OTUD7B: variants seen among roughly 807,000 people sequenced by gnomAD.
OTUD7B encodes the protein OTU domain-containing protein 7B.
In OTUD7B, 34 loss-of-function variants were observed where a neutral mutation model predicts 82.2. The ratio of observed to expected loss-of-function variants is 0.41; its 90% confidence interval spans 0.31 to 0.55. OTUD7B has a LOEUF of 0.55. Ranked by LOEUF, OTUD7B falls within the 20% of genes least tolerant of loss-of-function variation. The pLI, the probability that OTUD7B is intolerant of heterozygous loss-of-function variation, is 0.20. For missense variants in OTUD7B, 944 were observed against 1,062.1 expected, an observed-to-expected ratio of 0.89 and a Z score of 1.55; for synonymous variants, 398 against 402.7, an observed-to-expected ratio of 0.99 and a Z score of 0.14.
intron 7 of OTUD7B, among the ~76,000 whole-genome samples, chr1:149,959,002 A>G (rs1357089793): frequency 6.6e-6 from 1 of 151,812 alleles, no homozygotes; most frequent in Non-Finnish European, 1.5e-5. Context: ...TGGGTGGATC[A>G]CTTGAGGCCA....
chr1:150,050,137 T>G, the OTUD7B span, among the ~76,000 whole-genome samples: 80 of 151,980 alleles, frequency 5.3e-4, no homozygotes, highest in Non-Finnish European at 8.8e-5. Flanking sequence ...AAGGCTGCAG[T>G]GAGCCATGAT....
intron 3 of OTUD7B, among the ~76,000 whole-genome samples, chr1:149,969,412 A>G (rs1390512501): frequency 1.3e-5 from 2 of 152,174 alleles, no homozygotes; most frequent in African/African-American, 2.4e-5. Flanking sequence ...TTATCATTCA[A>G]AATTCCTGAT....
At chr1:149,981,534 T>C (rs1193343213) in intron 1 of OTUD7B, among the ~76,000 whole-genome samples, 1 of 152,244 alleles carries the variant, frequency 6.6e-6, no homozygotes, top group African/African-American at 2.4e-5. Flanking sequence ...GATGGAATTT[T>C]CATGCAAAAT....
intron 6 of OTUD7B, chr1:149,963,996 T>A: frequency 2.2e-6 from 1 of 447,876 alleles, no homozygotes; most frequent in Admixed American, 3.8e-5. Context: ...AAAAGCACAA[T>A]GTTAGATAAC....
At chr1:150,040,177 G>A in the OTUD7B span, among the ~76,000 whole-genome samples, 2 of 152,158 alleles carry the variant, frequency 1.3e-5, no homozygotes, top group African/African-American at 4.8e-5. Context: ...TCAGGAATGG[G>A]AGTTAAATTT....
At chr1:150,059,734 T>C in the OTUD7B span, among the ~76,000 whole-genome samples, 1 of 152,044 alleles carries the variant, frequency 6.6e-6, no homozygotes, top group Non-Finnish European at 1.5e-5. Context: ...AAAATAAACA[T>C]AAAACTCGGC....
At position 150,001,421 on chromosome 1, in the gene OTUD7B, C is replaced by T. The variant is rs117183965; in HGVS notation, c.-67+9027G>A. ...TAGACTGAAGAGGAGCCTTCACATCCCTCAAACAGCAGCGCTTAGAACAGG... is the reference window on the plus strand; with the variant it reads ...TAGACTGAAGAGGAGCCTTCACATCTCTCAAACAGCAGCGCTTAGAACAGG... On this transcript the variant is annotated intron_variant, in intron 1 of 11. Transcript: ENST00000581312. Among the ~76,000 whole-genome samples the T allele has an allele frequency of 7.9e-3, 1,198 of 152,274 alleles. 50 individuals are homozygous for T. Among genetic ancestry groups the T allele is most frequent in the Admixed American group, 0.067 (1,030 of 15,288 alleles).
In OTUD7B at chr1:149,949,612, G is replaced by C. The variant is rs1553772864; in HGVS notation, c.1123+17C>G. 1 of 1,610,550 alleles carries C rather than the reference G, an allele frequency of 6.2e-7. No homozygotes were observed. Among genetic ancestry groups the C allele is most frequent in the Non-Finnish European group, 8.5e-7 (1 of 1,177,450 alleles). ...CAAGTGAAAATAATGCAGACCAAAA[G>C]ACATGTCATTCAGCACCTTGTTCCT... On this transcript the variant is annotated intron_variant, in intron 9 of 11. Coordinates refer to ENST00000581312, the MANE Select transcript of OTUD7B (RefSeq NM_020205.4).
At chr1:150,036,310 G>T in the OTUD7B span, among the ~76,000 whole-genome samples, 1 of 144,952 alleles carries the variant, frequency 6.9e-6, no homozygotes, top group Non-Finnish European at 1.5e-5. Flanking sequence ...GCCCAGGCTG[G>T]AGTGCAGTGG....
intron 1 of OTUD7B, among the ~76,000 whole-genome samples, chr1:149,996,952 C>T (rs1651963017): frequency 6.6e-6 from 1 of 152,140 alleles, no homozygotes; most frequent in Non-Finnish European, 1.5e-5. Context: ...AGCTTAATAA[C>T]AGGCACAAGG....
chr1:150,054,209 C>T, the OTUD7B span: 1 of 420,548 alleles, frequency 2.4e-6, no homozygotes, highest in Admixed American at 3.2e-5. Context: ...TACATATTAT[C>T]TTACTGAAGA....
chr1:149,949,247 G>A (rs369531458), intron 9 of OTUD7B, among the ~76,000 whole-genome samples, 164 bp from the exon 10 acceptor site: 21 of 152,204 alleles, frequency 1.4e-4, no homozygotes, highest in African/African-American at 5.1e-4. Context: ...TAGTTTTCCC[G>A]CTACCACGCA....
At chr1:149,969,161 A>G (rs1057205260) in intron 3 of OTUD7B, among the ~76,000 whole-genome samples, 1 of 152,100 alleles carries the variant, frequency 6.6e-6, no homozygotes, top group East Asian at 1.9e-4. Flanking sequence ...AATTTCTACA[A>G]AGAATCAAAA....
chr1:149,993,967 T>C (rs184488821), intron 1 of OTUD7B, among the ~76,000 whole-genome samples: 3 of 152,310 alleles, frequency 2.0e-5, no homozygotes, highest in East Asian at 1.9e-4. Flanking sequence ...CACAATTACA[T>C]AGGCCAAGTT....
the OTUD7B span, among the ~76,000 whole-genome samples, chr1:150,029,945 G>T: frequency 6.6e-6 from 1 of 152,030 alleles, no homozygotes; most frequent in African/African-American, 2.4e-5. Flanking sequence ...ATCTAGAAGA[G>T]CCCAGGTCCC....
Position 149,943,878 on chromosome 1 carries a change from C to A in OTUD7B, c.2511G>T (p.Glu837Asp). ...CCGTTCAGAACCTGTGCACCAGGAG[C>A]TCCCCATCCGGTTCCCGCTCCCTCC... Reference protein sequence around the residue: ...LRRREREPDGELLVHRF With the variant: ...LRRREREPDGDLLVHRF Residue 837 changes from glutamate (E) to aspartate (D), a missense_variant, in exon 12 of 12, where the codon GAG becomes GAT. Coordinates refer to ENST00000581312, the MANE Select transcript of OTUD7B (RefSeq NM_020205.4). The A allele has an allele frequency of 6.2e-7, 1 of 1,614,174 alleles. No individual in the cohort carries two copies. The highest frequency in any genetic ancestry group is 1.7e-4 in the Middle Eastern group (1 of 6,030).
chr1:150,003,156 A>G (rs1465959882), intron 1 of OTUD7B, among the ~76,000 whole-genome samples: 1 of 151,076 alleles, frequency 6.6e-6, no homozygotes, highest in Non-Finnish European at 1.5e-5. Context: ...AGGCTGAGGC[A>G]GGAGAATGGC....
intron 1 of OTUD7B, among the ~76,000 whole-genome samples, chr1:149,996,337 C>T (rs587659095): frequency 1.3e-5 from 2 of 152,064 alleles, no homozygotes; most frequent in South Asian, 4.2e-4. Flanking sequence ...AGCACCAAGA[C>T]ACATTTCTTT....
Position 150,010,604 on chromosome 1 carries a change from G to A in OTUD7B, c.-223C>T, listed in dbSNP as rs1460227455. 1 of 153,334 alleles carries A rather than the reference G, an allele frequency of 6.5e-6. No homozygotes were observed. The highest frequency in any genetic ancestry group is 1.5e-5 in the Non-Finnish European group (1 of 68,654). 9.5% of individuals were successfully genotyped at this position (153,334 alleles called of 1,614,324 possible). ...GGTGGAGACTGCGACCGCAGCTGTTGCTCCGCACGGGATCTGGAGCTGGAG... is the reference window on the plus strand; with the variant it reads ...GGTGGAGACTGCGACCGCAGCTGTTACTCCGCACGGGATCTGGAGCTGGAG... On this transcript the variant is annotated 5_prime_UTR_variant, in exon 1 of 12. Coordinates refer to ENST00000581312, the MANE Select transcript of OTUD7B (RefSeq NM_020205.4).
Sources: allele counts gnomAD v4.1 joint callset (sites outside exome capture counted in the v4.1 genomes callset), GRCh38; gene constraint gnomAD v4.1.1; transcripts MANE v1.5; gene names NCBI Gene and HGNC (gene_info 2026-07-23, HGNC 2026-07-21).